ATP11A: variants seen among roughly 807,000 people sequenced by gnomAD.
ATP11A encodes ATPase phospholipid transporting 11A.
ATP11A carries 81 observed loss-of-function variants against 154.4 expected under a neutral mutation model. The ratio of observed to expected loss-of-function variants is 0.52; its 90% CI spans 0.44 to 0.63. ATP11A has a LOEUF of 0.63. Ranked by LOEUF, ATP11A falls within the 30% of genes least tolerant of loss-of-function variation. The pLI, the probability that ATP11A is intolerant of heterozygous loss-of-function variation, is 0.00. For synonymous variants in ATP11A, 623 were observed against 585.9 expected (o/e 1.06, Z -0.91); for missense variants, 1,316 against 1,474.3 (o/e 0.89, Z 1.76).
intron 1 of ATP11A, among the ~76,000 whole-genome samples, chr13:112,709,554 T>C (rs1020765736): frequency 6.6e-6 from 1 of 152,160 alleles, no homozygotes; most frequent in African/African-American, 2.4e-5. Flanking sequence ...TAAAACTTGG[T>C]CTCCACAATC....
intron 2 of ATP11A, among the ~76,000 whole-genome samples, chr13:112,802,325 A>G (rs896728676): frequency 1.3e-5 from 2 of 152,092 alleles, no homozygotes; most frequent in Admixed American, 1.3e-4. Flanking sequence ...CAGCCTGGGC[A>G]ACAGAGCGAG....
chr13:112,794,507 T>TA (rs1261019593), intron 2 of ATP11A, among the ~76,000 whole-genome samples: 18 of 152,200 alleles, frequency 1.2e-4, no homozygotes, highest in Non-Finnish European at 2.6e-4. Context: ...AGTAATAACT[T>TA]ACTCTGTGAA....
intron 1 of ATP11A, among the ~76,000 whole-genome samples, chr13:112,741,599 C>A (rs1891553322): frequency 6.6e-6 from 1 of 152,172 alleles, no homozygotes; most frequent in Non-Finnish European, 1.5e-5. Context: ...TCACTGTGGG[C>A]TGGAGACTCC....
chr13:112,797,156 G>A (rs954778645), intron 2 of ATP11A, among the ~76,000 whole-genome samples: 2 of 151,920 alleles, frequency 1.3e-5, no homozygotes, highest in South Asian at 2.1e-4. Flanking sequence ...GGTGGCAGGT[G>A]CCTGTAATCC....
intron 20 of ATP11A, chr13:112,856,381 CT>C: frequency 4.6e-6 from 1 of 218,712 alleles, no homozygotes; most frequent in South Asian, 1.3e-4. Context: ...TCAATCACTC[CT>C]GAGAATCTAC....
chr13:112,808,764 C>T (rs898270243), intron 4 of ATP11A, among the ~76,000 whole-genome samples: 9 of 152,188 alleles, frequency 5.9e-5, no homozygotes, highest in East Asian at 3.9e-4. Context: ...CTGGCTCTGC[C>T]GCCGCCATCG....
At chr13:112,761,706 T>C (rs1368988268) in intron 1 of ATP11A, among the ~76,000 whole-genome samples, 1 of 151,376 alleles carries the variant, frequency 6.6e-6, no homozygotes, top group Non-Finnish European at 1.5e-5. Flanking sequence ...TATCTCGGAT[T>C]CAGGAATCTC....
intron 13 of ATP11A, among the ~76,000 whole-genome samples, chr13:112,831,997 C>G (rs1428657736): frequency 6.6e-6 from 1 of 152,108 alleles, no homozygotes; most frequent in Admixed American, 6.5e-5. Flanking sequence ...CACACACAGA[C>G]ACACATGCAC....
At position 112,727,009 on chromosome 13, in the gene ATP11A, G is replaced by C. The variant is rs4907747; in HGVS notation, c.39+36554G>C. 5.4e-3 allele frequency among the ~76,000 whole-genome samples: 826 copies of C among 152,254 alleles called. 7 individuals are homozygous for C. Among genetic ancestry groups the C allele is most frequent in the African/African-American group, 0.018 (744 of 41,534 alleles). Reference sequence around the variant, plus strand: ...TTATGCGAATTTCTTACTATAACTTGGGGTTGTAGGTAATAGTAAATCTGA... The same window carrying C: ...TTATGCGAATTTCTTACTATAACTTCGGGTTGTAGGTAATAGTAAATCTGA... On this transcript the variant is annotated intron_variant, in intron 1 of 29. Transcript: ENST00000375645.
In ATP11A at chr13:112,727,233, G is replaced by A. The variant is rs569065513; in HGVS notation, c.39+36778G>A. ...TGGCTAATTTTGTATTTTTAGTAGA[G>A]ATGGGGTTTCACCATGTTGGCCAGG... is the stretch of plus-strand genomic sequence containing the variant. On this transcript the variant is annotated intron_variant, in intron 1 of 29. Coordinates refer to ENST00000375645, the MANE Select transcript of ATP11A (RefSeq NM_015205.3). Among the ~76,000 whole-genome samples, 8 of 152,288 alleles carry A rather than the reference G, an allele frequency of 5.3e-5. 1 individual carries two copies. The highest frequency in any genetic ancestry group is 4.6e-4 in the Admixed American group (7 of 15,306).
intron 1 of ATP11A, among the ~76,000 whole-genome samples, chr13:112,729,052 G>A (rs1020673958): frequency 7.2e-5 from 11 of 152,168 alleles, no homozygotes; most frequent in African/African-American, 2.7e-4. Context: ...TTAAAGCAAA[G>A]GCTTTGTTCT....
intron 25 of ATP11A, among the ~76,000 whole-genome samples, chr13:112,864,801 C>T (rs1195924503): frequency 2.4e-5 from 2 of 83,692 alleles, no homozygotes; most frequent in Non-Finnish European, 2.3e-5. Flanking sequence ...CAGCGGGGTC[C>T]ATCACCACCT....
At chr13:112,871,027 C>T (rs1480113187) in intron 25 of ATP11A, among the ~76,000 whole-genome samples, 1 of 152,234 alleles carries the variant, frequency 6.6e-6, no homozygotes, top group African/African-American at 2.4e-5. Flanking sequence ...ATCTGTGGTT[C>T]TGGCCGCACG....
chr13:112,743,795 T>C (rs1236580175), intron 1 of ATP11A, among the ~76,000 whole-genome samples: 1 of 152,254 alleles, frequency 6.6e-6, no homozygotes, highest in African/African-American at 2.4e-5. Context: ...TGGTTGTTTA[T>C]TTCCTGTGGT....
At chr13:112,867,939 C>T (rs1223784201) in intron 25 of ATP11A, among the ~76,000 whole-genome samples, 1 of 152,190 alleles carries the variant, frequency 6.6e-6, no homozygotes, top group African/African-American at 2.4e-5. Context: ...GTGAGAGCTA[C>T]TTTGTTTTAA....
chr13:112,758,157 G>A (rs1401167860), intron 1 of ATP11A, among the ~76,000 whole-genome samples: 1 of 152,160 alleles, frequency 6.6e-6, no homozygotes, highest in Non-Finnish European at 1.5e-5. Context: ...CACTTCCCAG[G>A]TTCAAGCAAT....
Position 112,838,989 on chromosome 13 carries a change from C to T in ATP11A, c.1705+2738C>T, listed in dbSNP as rs751804574. On this transcript the variant is annotated intron_variant, in intron 16 of 29. Coordinates refer to ENST00000375645, the MANE Select transcript of ATP11A (RefSeq NM_015205.3). The surrounding 1 kb of genome is among the most constrained non-coding windows in gnomAD (Gnocchi z 7.3). Reference sequence around the variant, plus strand: ...TGTAGGGGGTTGCGGCTGTCAGAGCCGGATCTCACTGTTTTGGGGCTGAGC... The same window carrying T: ...TGTAGGGGGTTGCGGCTGTCAGAGCTGGATCTCACTGTTTTGGGGCTGAGC... Among the ~76,000 whole-genome samples, 3 of 152,168 alleles carry T rather than the reference C, an allele frequency of 2.0e-5. No homozygotes were observed. The highest frequency in any genetic ancestry group is 2.9e-5 in the Non-Finnish European group (2 of 68,022).
At chr13:112,874,705 A>C (rs558789120) in intron 27 of ATP11A, among the ~76,000 whole-genome samples, 7 of 152,232 alleles carry the variant, frequency 4.6e-5, no homozygotes, top group Admixed American at 3.3e-4. Flanking sequence ...GGTGGCCCCA[A>C]GTTGCATTAC....
rs74422652 is a variant in ATP11A at position 112,845,655 on chromosome 13, T to A, written c.1809+3276T>A. Among the ~76,000 whole-genome samples, 47 of 56,816 alleles carry A rather than the reference T, an allele frequency of 8.3e-4. 2 individuals carry two copies. Among genetic ancestry groups the A allele is most frequent in the African/African-American group, 5.4e-3 (37 of 6,906 alleles). 37.3% of individuals were successfully genotyped at this position (56,816 alleles called of 152,430 possible). ...CCAGTTGCCAGCACTAGCGGTACTA[T>A]TCAGTCCAGTTACCAGGCACTAGCG... is the stretch of plus-strand genomic sequence containing the variant. On this transcript the variant is annotated intron_variant, in intron 17 of 29. Coordinates refer to ENST00000375645, the MANE Select transcript of ATP11A (RefSeq NM_015205.3).
Sources: gnomAD v4.1 joint callset for allele counts (sites outside exome capture counted in the v4.1 genomes callset) on GRCh38, gnomAD v4.1.1 for gene constraint, Gnocchi (gnomAD v3.1) non-coding constraint, MANE v1.5 for transcripts, NCBI Gene and HGNC (gene_info 2026-07-23, HGNC 2026-07-21) for gene names.